Variants in ADAMTSL1 observed in about 807,000 individuals in gnomAD.
ADAMTSL1 encodes the protein ADAMTS-like protein 1.
A neutral mutation model predicts 201.8 loss-of-function variants in ADAMTSL1; 126 were observed. That is an observed-to-expected ratio of 0.62 (90% CI 0.54 to 0.72). The LOEUF is 0.72. ADAMTSL1 is among the 30% of genes least tolerant of loss of function. ADAMTSL1 has a pLI of 0.00. For missense variants in ADAMTSL1, 2,679 were observed against 2,277.8 expected (o/e 1.18, Z -3.59); for synonymous variants, 1,121 against 903.4 (o/e 1.24, Z -4.32).
At chr9:18,139,126 T>A (rs1315728819) in intron 1 of ADAMTSL1, among the ~76,000 whole-genome samples, 4 of 152,164 alleles carry the variant, frequency 2.6e-5, no homozygotes, top group African/African-American at 9.6e-5. Flanking sequence ...TTTGACTGAT[T>A]GACTGATTGA....
chr9:18,604,141 G>T (rs1265917671), intron 4 of ADAMTSL1, among the ~76,000 whole-genome samples: 1 of 152,150 alleles, frequency 6.6e-6, no homozygotes. Context: ...TCCTAAATAG[G>T]TAAGTGCAAG....
Position 18,435,806 on chromosome 9 carries a change from A to G in ADAMTSL1, c.208-69023A>G, listed in dbSNP as rs547656561. Among the ~76,000 whole-genome samples, 130 of 152,312 alleles carry G rather than the reference A, an allele frequency of 8.5e-4. 2 individuals carry two copies. Among genetic ancestry groups the G allele is most frequent in the Admixed American group, 8.5e-3 (130 of 15,304 alleles). The stretch of plus-strand genomic sequence containing the variant: ...AGAGGGCTTGTACAGAGAAACTCCC[A>G]GTTTTAAAACATCACATCTCATGAG... On this transcript the variant is annotated intron_variant, in intron 2 of 29. Coordinates refer to the ADAMTSL1 transcript ENST00000680146.
chr9:18,562,019 A>T (rs748545496), intron 3 of ADAMTSL1, among the ~76,000 whole-genome samples: 4 of 152,122 alleles, frequency 2.6e-5, no homozygotes, highest in Non-Finnish European at 5.9e-5. Flanking sequence ...TAGTCCATTG[A>T]CATTTAAAGT....
intron 1 of ADAMTSL1, among the ~76,000 whole-genome samples, chr9:18,044,955 T>G (rs1244621541): frequency 6.6e-6 from 1 of 152,132 alleles, no homozygotes; most frequent in African/African-American, 2.4e-5. Flanking sequence ...GCACTTTTAT[T>G]CCTAAATATG....
intron 2 of ADAMTSL1, among the ~76,000 whole-genome samples, chr9:18,381,394 A>G (rs1384648422): frequency 2.0e-5 from 3 of 152,122 alleles, no homozygotes; most frequent in Admixed American, 1.3e-4. Context: ...GTTTTTTGAG[A>G]AACTTTTGGG....
At chr9:18,058,770 T>C (rs1822309584) in intron 1 of ADAMTSL1, among the ~76,000 whole-genome samples, 1 of 152,194 alleles carries the variant, frequency 6.6e-6, no homozygotes, top group South Asian at 2.1e-4. Context: ...CTCTACACCA[T>C]TTTCTTTTAT....
At chr9:18,051,562 T>TC (rs1821942588) in intron 1 of ADAMTSL1, among the ~76,000 whole-genome samples, 1 of 150,660 alleles carries the variant, frequency 6.6e-6, no homozygotes, top group Admixed American at 6.6e-5. Flanking sequence ...TTTTTTTTTT[T>TC]AAATACAAGG....
Position 18,770,582 on chromosome 9 carries a change from T to A in ADAMTSL1, c.2218-20T>A, listed in dbSNP as rs1441223082. On this transcript the variant is annotated intron_variant, in intron 16 of 28. Transcript: ENST00000380548. ...CCATATTGGGTCTACTTTTTCTTCT[T>A]TCCTTCTTTCTTTCCCCAGTGTTCC... is the stretch of plus-strand genomic sequence containing the variant. 6.3e-7 allele frequency: 1 copy of A among 1,595,716 alleles called. No homozygotes were observed. Among genetic ancestry groups the A allele is most frequent in the Non-Finnish European group, 8.6e-7 (1 of 1,168,970 alleles).
intron 2 of ADAMTSL1, among the ~76,000 whole-genome samples, chr9:18,406,115 A>G (rs748752242): frequency 6.6e-6 from 1 of 152,238 alleles, no homozygotes; most frequent in Admixed American, 6.5e-5. Context: ...CTCCAAACAC[A>G]TCTTCTCTTC....
intron 2 of ADAMTSL1, among the ~76,000 whole-genome samples, chr9:18,301,639 A>G (rs567362445): frequency 6.6e-6 from 1 of 152,180 alleles, no homozygotes; most frequent in South Asian, 2.1e-4. Context: ...CTCCTCGCCT[A>G]TTTTCGGGCT....
intron 1 of ADAMTSL1, among the ~76,000 whole-genome samples, chr9:18,153,913 C>G (rs908389435): frequency 2.0e-5 from 3 of 151,950 alleles, no homozygotes; most frequent in Non-Finnish European, 4.4e-5. Context: ...TATCATTACA[C>G]GGCTTTAATG....
At chr9:18,016,192 G>C (rs1315168871) in intron 1 of ADAMTSL1, among the ~76,000 whole-genome samples, 3 of 152,016 alleles carry the variant, frequency 2.0e-5, no homozygotes, top group Non-Finnish European at 2.9e-5. Flanking sequence ...TCTTTCTAGT[G>C]AAAACAGAAA....
At chr9:18,123,019 A>T (rs925060569) in intron 1 of ADAMTSL1, among the ~76,000 whole-genome samples, 16 of 152,186 alleles carry the variant, frequency 1.1e-4, no homozygotes, top group African/African-American at 3.6e-4. Context: ...GATTATAGAC[A>T]TGAGCTACTG....
chr9:18,790,679 G>T (rs142764136), intron 19 of ADAMTSL1, among the ~76,000 whole-genome samples: 1 of 151,872 alleles, frequency 6.6e-6, no homozygotes, highest in Non-Finnish European at 1.5e-5. Context: ...CTCTCGGCTG[G>T]TCCTTAATTT....
intron 2 of ADAMTSL1, among the ~76,000 whole-genome samples, chr9:18,340,237 C>G (rs1225318924): frequency 6.6e-6 from 1 of 152,158 alleles, no homozygotes; most frequent in Non-Finnish European, 1.5e-5. Context: ...TTCTGGAATA[C>G]AAGAATTTCT....
intron 4 of ADAMTSL1, among the ~76,000 whole-genome samples, chr9:18,617,500 C>G (rs1264364886): frequency 8.9e-6 from 1 of 112,362 alleles, no homozygotes; most frequent in African/African-American, 3.5e-5. Context: ...TTTTTTTTGG[C>G]AGGGGGGAGG....
intron 2 of ADAMTSL1, among the ~76,000 whole-genome samples, chr9:18,219,275 C>A (rs1020597857): frequency 5.3e-5 from 8 of 151,680 alleles, no homozygotes; most frequent in African/African-American, 1.4e-4. Flanking sequence ...ATAGATTATA[C>A]GGATAACTGC....
intron 2 of ADAMTSL1, among the ~76,000 whole-genome samples, chr9:18,311,219 G>C (rs775944905): frequency 6.6e-6 from 1 of 152,008 alleles, no homozygotes; most frequent in Non-Finnish European, 1.5e-5. Context: ...TGGGGGGCTA[G>C]GGTAGTAATA....
At chr9:18,099,896 G>T (rs767269234) in intron 1 of ADAMTSL1, among the ~76,000 whole-genome samples, 7 of 152,046 alleles carry the variant, frequency 4.6e-5, no homozygotes, top group Non-Finnish European at 1.0e-4. Context: ...AAAGTGCAAG[G>T]ATTACAGGTG....
Sources: gnomAD v4.1 joint callset for allele counts (sites outside exome capture counted in the v4.1 genomes callset) on GRCh38, gnomAD v4.1.1 for gene constraint, MANE v1.5 for transcripts, NCBI Gene and HGNC (gene_info 2026-07-23, HGNC 2026-07-21) for gene names.